Variants in RACGAP1 observed in about 807,000 individuals in gnomAD.
RACGAP1 encodes rac GTPase-activating protein 1.
In RACGAP1, 30 loss-of-function variants were observed where a neutral mutation model predicts 78.1. That is an observed-to-expected ratio of 0.38 (90% confidence interval 0.29 to 0.52). The LOEUF is 0.52. Among genes scored for constraint, RACGAP1 ranks in the 20% least tolerant of loss-of-function variants. The probability of loss-of-function intolerance (pLI) is 0.82; values close to 1 mark genes in which losing one functional copy is unlikely to be tolerated. For synonymous variants in RACGAP1, 231 were observed against 264.8 expected, an observed-to-expected ratio of 0.87 and a Z score of 1.24; for missense variants, 587 against 777.1, an observed-to-expected ratio of 0.76 and a Z score of 2.91.
chr12:50,005,275 T>C lies in RACGAP1; in HGVS notation c.406A>G (p.Ser136Gly). 6.2e-7 allele frequency: 1 copy of C among 1,614,218 alleles called. No individual in the cohort carries two copies. The highest frequency in any genetic ancestry group is 8.5e-7 in the Non-Finnish European group (1 of 1,180,012). ...CTCCACCTTTTGTTCCCAGCATTGC[T>C]GCTGGATGGTTGGCCTCTGTTGAGA... Reference protein sequence around the residue: ...AFLNRGQPSSSNAGNKRLSTI... With the variant: ...AFLNRGQPSSGNAGNKRLSTI... The change falls in exon 4 of 17, where the codon AGC becomes GGC. Residue 136 changes from serine to glycine, a missense_variant. Ser to Gly is a moderately conservative substitution (Grantham distance 56, BLOSUM62 0). Coordinates refer to ENST00000312377, the MANE Select transcript of RACGAP1 (RefSeq NM_001319999.2).
rs1347542884 is a variant in RACGAP1, at chr12:49,994,513, G to T, written c.1045-4C>A. On this transcript the variant is annotated splice_polypyrimidine_tract_variant and splice_region_variant and intron_variant, in intron 10 of 16. Coordinates refer to ENST00000312377, the MANE Select transcript of RACGAP1 (RefSeq NM_001319999.2). ...ACACAAAGTCTGCCAGCATTCCCTG[G>T]AAAAAAAAAAGAGCTTTAAATTATT... 6.7e-7 allele frequency: 1 copy of T among 1,487,334 alleles called. No homozygotes were observed. Among genetic ancestry groups the T allele is most frequent in the African/African-American group, 1.4e-5 (1 of 69,436 alleles). The allele number at this position is 1,487,334 out of a possible 1,614,324, so 92.1% of individuals were successfully genotyped here.
intron 10 of RACGAP1, among the ~76,000 whole-genome samples, chr12:49,995,490 A>G (rs1234899234): frequency 2.6e-5 from 4 of 152,076 alleles, no homozygotes; most frequent in African/African-American, 9.7e-5. Flanking sequence ...TGTTACTTAC[A>G]TAATAATTTT....
intron 15 of RACGAP1, among the ~76,000 whole-genome samples, 199 bp downstream of exon 15, chr12:49,991,799 C>A (rs1286811544): frequency 4.6e-5 from 7 of 151,402 alleles, no homozygotes; most frequent in Non-Finnish European, 1.0e-4. Context: ...CCTATTATAT[C>A]TATATTTAAA....
At chr12:50,029,498 C>T (rs1487515754), upstream of RACGAP1, among the ~76,000 whole-genome samples, 1 of 151,162 alleles carries the variant, frequency 6.6e-6, no homozygotes, top group African/African-American at 2.4e-5. Flanking sequence ...CTCTTGAACC[C>T]GGGAGACGGA....
At chr12:50,022,942 C>T (rs906628261) in intron 1 of RACGAP1, among the ~76,000 whole-genome samples, 3 of 152,232 alleles carry the variant, frequency 2.0e-5, no homozygotes, top group African/African-American at 7.2e-5. Flanking sequence ...TTGTAAACTG[C>T]AGCCTTTCTC....
rs1283049354 is a variant in RACGAP1, at chr12:49,999,290, T to C, written c.749-19A>G. On this transcript the variant is annotated intron_variant, in intron 8 of 16. Transcript: ENST00000312377. ...AAAGTACCTAGAAAACAAGCAACTT[T>C]TAAGCTTTGTGTCTTAAGTATTTTG... 3.1e-6 allele frequency: 5 copies of C among 1,590,940 alleles called. No individual in the cohort carries two copies. Among genetic ancestry groups the C allele is most frequent in the Non-Finnish European group, 4.3e-6 (5 of 1,173,668 alleles).
rs1422563597 is a variant in RACGAP1, at chr12:49,990,308, C to T, written c.1859G>A (p.Gly620Glu). The change falls in exon 17 of 17, where the codon GGA becomes GAA. Residue 620 changes from glycine (G) to glutamate (E), a missense_variant. Transcript: ENST00000312377. ...AGAAGCAAAAAAGTTGCCTTGTCGTCCTAGGTTAGTGGCAGACTTGCTTTT... is the reference window on the plus strand; with the variant it reads ...AGAAGCAAAAAAGTTGCCTTGTCGTTCTAGGTTAGTGGCAGACTTGCTTTT... The part of the protein sequence containing the change: ...GSKSKSATNL[G>E]RQGNFFASPM... The T allele has an allele frequency of 1.2e-5, 19 of 1,613,884 alleles. No homozygotes were observed. Among genetic ancestry groups the T allele is most frequent in the Admixed American group, 1.7e-5 (1 of 60,012 alleles).
intron 1 of RACGAP1, among the ~76,000 whole-genome samples, chr12:50,017,409 C>G (rs576413876): frequency 6.6e-6 from 1 of 152,176 alleles, no homozygotes; most frequent in Non-Finnish European, 1.5e-5. Flanking sequence ...CTTCACAGTT[C>G]GAAGGGCAAA....
intron 5 of RACGAP1, 181 bp from the exon 6 acceptor site, chr12:50,002,481 T>A (rs1948741393): frequency 2.5e-6 from 1 of 392,490 alleles, no homozygotes; most frequent in Non-Finnish European, 4.6e-6. Context: ...AGTAAGTTAA[T>A]GTGCTTTCTT....
chr12:50,002,359 T>G, intron 5 of RACGAP1, 59 bp from the exon 6 acceptor site: 2 of 1,440,386 alleles, frequency 1.4e-6, no homozygotes, highest in Non-Finnish European at 1.9e-6. Context: ...CTAAACCCTG[T>G]GCAAATAAAT....
At chr12:50,025,687 C>T (rs1033668034), upstream of RACGAP1, 1 of 321,694 alleles carries the variant, frequency 3.1e-6, no homozygotes, top group Non-Finnish European at 4.5e-6. Flanking sequence ...TTGCGGTGCC[C>T]TTTCCGGAAG....
upstream of RACGAP1, among the ~76,000 whole-genome samples, chr12:50,029,361 G>A (rs898727779): frequency 4.6e-5 from 7 of 151,028 alleles, no homozygotes; most frequent in Non-Finnish European, 1.0e-4. Context: ...ACACCAGCCT[G>A]GCAACAGAGC....
At chr12:50,023,062 C>A (rs1463417625) in intron 1 of RACGAP1, among the ~76,000 whole-genome samples, 13 of 152,108 alleles carry the variant, frequency 8.5e-5, no homozygotes, top group Non-Finnish European at 1.8e-4. Context: ...TCCAAGAAAG[C>A]GGAGATTTTT....
Position 50,032,020 on chromosome 12 carries a change from G to A in RACGAP1, c.-194-153C>T, listed in dbSNP as rs549439715. On this transcript the variant is annotated intron_variant, in intron 1 of 3. Transcript: ENST00000548247. ...AAATTAGCCTGGTGTGGTGGCACGT[G>A]CCTGTAGTCCCAGCTACTTGGGAGG... is the stretch of plus-strand genomic sequence containing the variant. Among the ~76,000 whole-genome samples, 563 of 152,166 alleles carry A rather than the reference G, an allele frequency of 3.7e-3. 3 individuals are homozygous for A. Among genetic ancestry groups the A allele is most frequent in the African/African-American group, 0.013 (530 of 41,508 alleles).
chr12:50,028,869 G>A (rs1950304532), upstream of RACGAP1, among the ~76,000 whole-genome samples: 1 of 148,592 alleles, frequency 6.7e-6, no homozygotes, highest in Admixed American at 6.7e-5. Flanking sequence ...ATCACCTGAG[G>A]TCAGGAGTTC....
chr12:49,996,874 C>A (rs148382564), intron 10 of RACGAP1, among the ~76,000 whole-genome samples, 166 bp downstream of exon 10: 30 of 152,026 alleles, frequency 2.0e-4, no homozygotes, highest in African/African-American at 7.2e-4. Context: ...ATTAGACAGA[C>A]AAACCCAAAC....
At chr12:50,010,883 G>A (rs574140516) in intron 2 of RACGAP1, among the ~76,000 whole-genome samples, 1 of 151,472 alleles carries the variant, frequency 6.6e-6, no homozygotes, top group South Asian at 2.1e-4. Context: ...AGTGAGCCGA[G>A]ATCTCGCCAT....
chr12:50,015,524 A>T (rs1216250477), intron 2 of RACGAP1, among the ~76,000 whole-genome samples: 1 of 152,092 alleles, frequency 6.6e-6, no homozygotes, highest in Non-Finnish European at 1.5e-5. Context: ...TTTTAAGGCC[A>T]GGCGCAGTGG....
At chr12:50,020,342 T>G (rs1949938605) in intron 1 of RACGAP1, among the ~76,000 whole-genome samples, 1 of 16,814 alleles carries the variant, frequency 5.9e-5, no homozygotes, top group South Asian at 0.024. Flanking sequence ...CAGGCCCAGC[T>G]AATTTTTTTT....
Sources: gnomAD v4.1 joint callset for allele counts (sites outside exome capture counted in the v4.1 genomes callset) on GRCh38, gnomAD v4.1.1 for gene constraint, MANE v1.5 for transcripts, NCBI Gene and HGNC (gene_info 2026-07-23, HGNC 2026-07-21) for gene names.